RASA2: variants seen among roughly 807,000 people sequenced by gnomAD.
RASA2 encodes the protein RAS p21 protein activator 2, also known as ras GTPase-activating protein 2.
RASA2 carries 155 observed loss-of-function variants against 118.2 expected under a neutral mutation model. That is an observed-to-expected ratio of 1.31 (90% confidence interval 1.15 to 1.50). RASA2 has a LOEUF of 1.50. Among genes scored for constraint, RASA2 ranks in the 40% most tolerant of loss-of-function variants. The pLI is 0.00. For missense variants in RASA2, 1,016 were observed against 1,009.6 expected (o/e 1.01, Z -0.09); for synonymous variants, 353 against 349.1 (o/e 1.01, Z -0.12).
intron 6 of RASA2, 58 bp downstream of exon 6, chr3:141,553,998 T>G (rs951321201): frequency 9.0e-6 from 14 of 1,552,480 alleles, no homozygotes; most frequent in Non-Finnish European, 1.1e-5. Context: ...TTTAAAAATT[T>G]AAAAAGTAAG....
At chr3:141,585,143 T>A (rs890251699) in intron 17 of RASA2, among the ~76,000 whole-genome samples, 2 of 152,192 alleles carry the variant, frequency 1.3e-5, no homozygotes, top group African/African-American at 4.8e-5. Context: ...TTCACAATCT[T>A]ATATGTAAAA....
At chr3:141,496,462 A>G (rs577080072) in intron 1 of RASA2, among the ~76,000 whole-genome samples, 20 of 152,382 alleles carry the variant, frequency 1.3e-4, no homozygotes, top group African/African-American at 4.8e-4. Flanking sequence ...GAACTCAAAC[A>G]AATTTACAAG....
chr3:141,512,703 C>T (rs2081968482), intron 2 of RASA2, among the ~76,000 whole-genome samples: 1 of 152,188 alleles, frequency 6.6e-6, no homozygotes, highest in Non-Finnish European at 1.5e-5. Context: ...ACCACCTCTG[C>T]ACCGTAGCAA....
intron 17 of RASA2, among the ~76,000 whole-genome samples, chr3:141,583,468 A>G (rs1037316542): frequency 4.6e-5 from 7 of 152,124 alleles, no homozygotes; most frequent in African/African-American, 1.4e-4. Flanking sequence ...ATATTTGCTA[A>G]CAAATCAGTG....
intron 5 of RASA2, 51 bp from the exon 6 acceptor site, chr3:141,553,806 A>C: frequency 6.3e-7 from 1 of 1,576,222 alleles, no homozygotes; most frequent in Non-Finnish European, 8.6e-7. Flanking sequence ...ATAATGTTTT[A>C]TCTTGTTTAA....
chr3:141,606,954 CTA>C (rs2107799990), intron 19 of RASA2, among the ~76,000 whole-genome samples: 1 of 152,214 alleles, frequency 6.6e-6, no homozygotes, highest in Admixed American at 6.5e-5. Context: ...GTTTCTATGA[CTA>C]TGTGAGATAT....
chr3:141,556,656 C>G (rs1330938829), intron 7 of RASA2, among the ~76,000 whole-genome samples: 1 of 151,854 alleles, frequency 6.6e-6, no homozygotes, highest in Non-Finnish European at 1.5e-5. Context: ...AAATCAAACT[C>G]TCAAAAAGAT....
intron 2 of RASA2, among the ~76,000 whole-genome samples, chr3:141,512,551 A>G (rs1161569255): frequency 2.6e-5 from 4 of 152,232 alleles, no homozygotes; most frequent in Non-Finnish European, 4.4e-5. Flanking sequence ...TCTAAAGAAT[A>G]AGTTACTTAA....
chr3:141,520,083 C>T (rs1484884232), intron 3 of RASA2, among the ~76,000 whole-genome samples: 8 of 146,774 alleles, frequency 5.5e-5, no homozygotes, highest in African/African-American at 1.5e-4. Context: ...ACATGATCTC[C>T]GTTCACTGCA....
At chr3:141,586,563 C>A in intron 18 of RASA2, 83 bp from the exon 19 acceptor site, 1 of 870,980 alleles carries the variant, frequency 1.1e-6, no homozygotes, top group Non-Finnish European at 1.8e-6. Context: ...CTATTCATGT[C>A]ATTTAAAGTT....
intron 19 of RASA2, among the ~76,000 whole-genome samples, chr3:141,596,327 A>G (rs1459014649): frequency 6.6e-6 from 1 of 152,242 alleles, no homozygotes; most frequent in Non-Finnish European, 1.5e-5. Context: ...ATGAAAATGC[A>G]ACAAATATAT....
chr3:141,564,735 T>G (rs2082790738), intron 9 of RASA2, among the ~76,000 whole-genome samples: 1 of 152,066 alleles, frequency 6.6e-6, no homozygotes, highest in African/African-American at 2.4e-5. Context: ...CTATGGTAAA[T>G]GGTGATAATT....
intron 10 of RASA2, 62 bp downstream of exon 10, chr3:141,571,130 A>G: frequency 1.3e-6 from 2 of 1,481,732 alleles, no homozygotes; most frequent in Admixed American, 2.4e-5. Flanking sequence ...TCTATAAATG[A>G]TAAGGAAAAG....
chr3:141,602,110 A>G (rs956612615), intron 19 of RASA2, among the ~76,000 whole-genome samples: 4 of 152,214 alleles, frequency 2.6e-5, no homozygotes, highest in African/African-American at 7.2e-5. Flanking sequence ...ATCTGGACCC[A>G]TTCAGAATCA....
intron 5 of RASA2, among the ~76,000 whole-genome samples, chr3:141,541,029 C>G (rs905488009): frequency 6.6e-6 from 1 of 152,076 alleles, no homozygotes; most frequent in Non-Finnish European, 1.5e-5. Context: ...CTTTTTACCT[C>G]TTCCACCCTC....
At chr3:141,592,161 G>A (rs1399756571) in intron 19 of RASA2, among the ~76,000 whole-genome samples, 1 of 152,106 alleles carries the variant, frequency 6.6e-6, no homozygotes, top group Non-Finnish European at 1.5e-5. Flanking sequence ...GGTTCAGTGA[G>A]GTGAGTTAAA....
At chr3:141,575,669 A>G (rs761898604) in intron 14 of RASA2, among the ~76,000 whole-genome samples, 1 of 150,334 alleles carries the variant, frequency 6.7e-6, no homozygotes, top group Non-Finnish European at 1.5e-5. Context: ...GTCTACTCCA[A>G]ACTACATGCT....
intron 19 of RASA2, among the ~76,000 whole-genome samples, chr3:141,593,436 G>T (rs1433691656): frequency 6.6e-6 from 1 of 152,072 alleles, no homozygotes; most frequent in Non-Finnish European, 1.5e-5. Context: ...AGAAAACTAA[G>T]CTTTATTGGC....
At chr3:141,556,907 CA>C (rs1359817404) in intron 7 of RASA2, among the ~76,000 whole-genome samples, 1 of 151,548 alleles carries the variant, frequency 6.6e-6, no homozygotes, top group Non-Finnish European at 1.5e-5. Flanking sequence ...AAAAAAAAAA[CA>C]AAAGAAAAAG....
Sources: gnomAD v4.1 joint callset for allele counts (sites outside exome capture counted in the v4.1 genomes callset) on GRCh38, gnomAD v4.1.1 for gene constraint, MANE v1.5 for transcripts, NCBI Gene and HGNC (gene_info 2026-07-23, HGNC 2026-07-21) for gene names.